ELF1: variants seen among roughly 807,000 people sequenced by gnomAD.
The protein encoded by ELF1 is E74 like ETS transcription factor 1.
A neutral mutation model predicts 59.9 loss-of-function variants in ELF1; 24 were observed. The observed-to-expected ratio is 0.40, with a 90% confidence interval of 0.29 to 0.56. The LOEUF (loss-of-function observed/expected upper bound fraction) is 0.56, where lower values mean the gene tolerates loss of function less well. ELF1 is among the 20% of genes least tolerant of loss of function. The pLI, the probability that ELF1 is intolerant of heterozygous loss-of-function variation, is 0.44. For missense variants in ELF1, 627 were observed against 742.2 expected (o/e 0.84, Z 1.80); for synonymous variants, 248 against 266.2 (o/e 0.93, Z 0.67).
intron 1 of ELF1, chr13:40,982,960 C>A: frequency 1.4e-6 from 1 of 695,930 alleles, no homozygotes; most frequent in Non-Finnish European, 1.8e-6. Flanking sequence ...AGCACTTGAC[C>A]ACGTCATGGC....
At chr13:41,018,490 C>T (rs563174926) in intron 1 of ELF1, among the ~76,000 whole-genome samples, 20 of 152,174 alleles carry the variant, frequency 1.3e-4, no homozygotes, top group African/African-American at 4.8e-4. Flanking sequence ...AAGGTTGTTA[C>T]TCAGAACAAG....
rs953740999 is a variant in ELF1 at position 41,032,967 on chromosome 13, T to C, written c.-229+27871A>G. On this transcript the variant is annotated intron_variant, in intron 1 of 1. Coordinates refer to the ELF1 transcript ENST00000405737. ...AATGTCCTACGGACTGATGACTGAC[T>C]TGGCTTAACCTTTTGCTTTAGGCCT... is the stretch of plus-strand genomic sequence containing the variant. Among the ~76,000 whole-genome samples, 4 of 152,344 alleles carry C rather than the reference T, an allele frequency of 2.6e-5. No homozygotes were observed. The East Asian group carries it at 5.8e-4, about 22-fold the overall frequency.
In ELF1 at chr13:40,949,912, G is replaced by C. The variant is rs144235912; in HGVS notation, c.423C>G (p.Ser141=). The part of the protein sequence containing the change: ...DMVVAPVTHV[S]VTLDGIPEVM... ...CTTCAGGAATCCCATCTAATGTGAC[G>C]GACACATGGGTGACTGGGGCAACAA... Residue 141 remains serine, a synonymous_variant, in exon 5 of 9, where the codon TCC becomes TCG. Coordinates refer to ENST00000239882, the MANE Select transcript of ELF1 (RefSeq NM_172373.4). The C allele has an allele frequency of 3.7e-6, 6 of 1,613,768 alleles. No individual in the cohort carries two copies. In the South Asian group the frequency reaches 6.6e-5, roughly 18 times the overall value.
At chr13:40,987,932 T>C (rs552424727) in intron 1 of ELF1, among the ~76,000 whole-genome samples, 39 of 152,194 alleles carry the variant, frequency 2.6e-4, no homozygotes, top group African/African-American at 7.9e-4. Flanking sequence ...GGAAAAACCA[T>C]TGAAAAAATA....
rs1253306059 is a variant in ELF1, at chr13:40,955,319, G to A, written c.253+3517C>T. On this transcript the variant is annotated intron_variant, in intron 3 of 8. Transcript: ENST00000239882. ...CCGGCCAGCCGCCCCGTCCGGAAGGGAGGTGGGGGGGTTAGCCCCCCACCC... is the reference window on the plus strand; with the variant it reads ...CCGGCCAGCCGCCCCGTCCGGAAGGAAGGTGGGGGGGTTAGCCCCCCACCC... Among the ~76,000 whole-genome samples, 7 of 145,312 alleles carry A rather than the reference G, an allele frequency of 4.8e-5. No individual in the cohort carries two copies. The East Asian group carries it at 1.5e-3, about 31-fold the overall frequency.
chr13:41,025,411 T>C (rs1244538593), intron 1 of ELF1, among the ~76,000 whole-genome samples: 2 of 152,212 alleles, frequency 1.3e-5, no homozygotes, highest in South Asian at 4.1e-4. Context: ...AAAGAGACCT[T>C]AGAGACACTT....
chr13:40,965,836 C>T (rs550049241), intron 2 of ELF1, among the ~76,000 whole-genome samples: 206 of 152,252 alleles, frequency 1.4e-3, no homozygotes, highest in African/African-American at 4.2e-3. Flanking sequence ...TATCAATTTT[C>T]GCTGTACAGT....
intron 1 of ELF1, among the ~76,000 whole-genome samples, chr13:41,000,822 T>TA (rs1555277596): frequency 2.6e-5 from 4 of 152,024 alleles, no homozygotes; most frequent in Non-Finnish European, 5.9e-5. Context: ...TATCTCTGCA[T>TA]AGATACAAAA....
At chr13:40,960,478 A>T (rs1342545864) in intron 2 of ELF1, among the ~76,000 whole-genome samples, 1 of 152,124 alleles carries the variant, frequency 6.6e-6, no homozygotes. Context: ...TTATGATTAG[A>T]TTCAGTTTGC....
At chr13:40,935,310 C>T (rs1869692511) in intron 8 of ELF1, among the ~76,000 whole-genome samples, 1 of 152,156 alleles carries the variant, frequency 6.6e-6, no homozygotes, top group Admixed American at 6.5e-5. Context: ...AAGATACTTG[C>T]TATTTCAAAC....
chr13:40,982,324 C>A, intron 1 of ELF1, 42 bp from the exon 2 acceptor site: 9 of 1,186,612 alleles, frequency 7.6e-6, no homozygotes, highest in East Asian at 4.0e-5. Context: ...AAAGCAATCA[C>A]CCACTTAGGA....
At chr13:41,043,971 C>G (rs981668371) in intron 1 of ELF1, among the ~76,000 whole-genome samples, 2 of 152,138 alleles carry the variant, frequency 1.3e-5, no homozygotes, top group Non-Finnish European at 2.9e-5. Context: ...TCTTTTATTT[C>G]ATTGAGCAGT....
chr13:41,042,149 A>G (rs1051003439), intron 1 of ELF1, among the ~76,000 whole-genome samples: 3 of 152,090 alleles, frequency 2.0e-5, no homozygotes, highest in African/African-American at 7.2e-5. Flanking sequence ...GAGCCTCCTG[A>G]GTACCTAGGA....
intron 1 of ELF1, among the ~76,000 whole-genome samples, chr13:41,043,682 C>T (rs1291414123): frequency 6.6e-6 from 1 of 152,162 alleles, no homozygotes; most frequent in East Asian, 1.9e-4. Context: ...GGTAGCAATA[C>T]CATGCTGTTT....
intron 3 of ELF1, among the ~76,000 whole-genome samples, chr13:40,955,454 C>T (rs1370458102): frequency 3.2e-4 from 42 of 132,588 alleles, no homozygotes; most frequent in Middle Eastern, 9.6e-3. Context: ...CCAGCCGCCC[C>T]GTCCGGGAGG....
At position 41,014,241 on chromosome 13, in the gene ELF1, T is replaced by C. The variant is rs1875233893; in HGVS notation, c.-229+4987A>G. 1.3e-5 allele frequency among the ~76,000 whole-genome samples: 2 copies of C among 152,174 alleles called. 1 individual carries two copies. The highest frequency in any genetic ancestry group is 4.1e-4 in the South Asian group (2 of 4,830). On this transcript the variant is annotated intron_variant, in intron 1 of 8. Transcript: ENST00000239882. Reference sequence around the variant, plus strand: ...ATAGACCTATGAATTAAATTTTGAATGGTGTGCATATATCACTTTGATAGC... The same window carrying C: ...ATAGACCTATGAATTAAATTTTGAACGGTGTGCATATATCACTTTGATAGC...
chr13:41,024,252 T>A (rs1473286054), upstream of ELF1, among the ~76,000 whole-genome samples: 1 of 152,186 alleles, frequency 6.6e-6, no homozygotes, highest in Non-Finnish European at 1.5e-5. Context: ...GATTCAGTAG[T>A]GCAGGTGGAG....
chr13:40,983,115 A>G (rs148034586), intron 1 of ELF1, among the ~76,000 whole-genome samples: 64 of 152,360 alleles, frequency 4.2e-4, no homozygotes, highest in Non-Finnish European at 7.8e-4. Context: ...AAAAGTTATC[A>G]ATACTAACAA....
At chr13:41,035,466 T>G (rs1876335455) in intron 1 of ELF1, among the ~76,000 whole-genome samples, 1 of 152,044 alleles carries the variant, frequency 6.6e-6, no homozygotes, top group Non-Finnish European at 1.5e-5. Flanking sequence ...GACCACTGTA[T>G]AGGTCTAAAG....
Sources: allele counts gnomAD v4.1 joint callset (sites outside exome capture counted in the v4.1 genomes callset), GRCh38; gene constraint gnomAD v4.1.1; transcripts MANE v1.5; gene names NCBI Gene and HGNC (gene_info 2026-07-23, HGNC 2026-07-21).